Variants in PHACTR3 observed in about 807,000 individuals in gnomAD.
PHACTR3 encodes protein phosphatase 1, regulatory subunit 123.
A neutral mutation model predicts 66.8 loss-of-function variants in PHACTR3; 16 were observed. That is an observed-to-expected ratio of 0.24 (90% CI 0.16 to 0.36). The LOEUF is 0.36. Among genes scored for constraint, PHACTR3 ranks in the 10% least tolerant of loss-of-function variants. PHACTR3 has a pLI of 1.00. For synonymous variants in PHACTR3, 323 were observed against 292.1 expected (o/e 1.11, Z -1.08); for missense variants, 647 against 719.9 (o/e 0.90, Z 1.16).
At chr20:59,577,659 C>CG (rs1474420188) in intron 1 of PHACTR3, 1 of 1,171,056 alleles carries the variant, frequency 8.5e-7, no homozygotes, top group Non-Finnish European at 1.1e-6. Flanking sequence ...ACGTGGGGCC[C>CG]GGGGTGCCCG....
intron 1 of PHACTR3, among the ~76,000 whole-genome samples, chr20:59,703,287 C>A (rs1458227042): frequency 1.3e-5 from 2 of 152,150 alleles, no homozygotes; most frequent in Non-Finnish European, 2.9e-5. Flanking sequence ...TCACTTGTTC[C>A]TGAGTCATGC....
At chr20:59,644,483 T>TC (rs1247227602) in intron 1 of PHACTR3, among the ~76,000 whole-genome samples, 2 of 152,164 alleles carry the variant, frequency 1.3e-5, no homozygotes, top group African/African-American at 4.8e-5. Flanking sequence ...AATTGTAGAC[T>TC]CCAACAGGGG....
chr20:59,780,848 G>A lies in PHACTR3; in HGVS notation c.1174+6358G>A, dbSNP rs565991222. On this transcript the variant is annotated intron_variant, in intron 7 of 12. Coordinates refer to ENST00000371015, the MANE Select transcript of PHACTR3 (RefSeq NM_080672.5). ...TCAGTTCTATCCCTTGTAAATGGGG[G>A]TGACAAGAAAGTTCTTATGAAGGTC... Among the ~76,000 whole-genome samples the A allele has an allele frequency of 3.9e-5, 6 of 152,308 alleles. No homozygotes were observed. The South Asian group carries it at 1.2e-3, about 32-fold the overall frequency.
chr20:59,722,832 G>A lies in PHACTR3; in HGVS notation c.119-20275G>A, dbSNP rs1261115689. Among the ~76,000 whole-genome samples the A allele has an allele frequency of 1.3e-5, 2 of 151,990 alleles. 1 individual carries two copies. The highest frequency in any genetic ancestry group is 2.9e-5 in the Non-Finnish European group (2 of 67,982). On this transcript the variant is annotated intron_variant, in intron 1 of 12. Transcript: ENST00000371015. Reference sequence around the variant, plus strand: ...GGAGGAGCCTCTGCTCACGGTGGGGGCATGGGGGTGGTGGTGAGCACCGCA... The same window carrying A: ...GGAGGAGCCTCTGCTCACGGTGGGGACATGGGGGTGGTGGTGAGCACCGCA...
chr20:59,696,050 G>A (rs1018754840), intron 1 of PHACTR3, among the ~76,000 whole-genome samples: 1 of 152,152 alleles, frequency 6.6e-6, no homozygotes, highest in African/African-American at 2.4e-5. Flanking sequence ...TTTTGACCTG[G>A]GGAGAGTTAA....
At chr20:59,694,086 C>T (rs909638457) in intron 1 of PHACTR3, among the ~76,000 whole-genome samples, 3 of 152,176 alleles carry the variant, frequency 2.0e-5, no homozygotes, top group African/African-American at 7.2e-5. Context: ...GGGTGACTGG[C>T]CCTGTATTTT....
chr20:59,828,967 T>G (rs1410449153), intron 8 of PHACTR3, among the ~76,000 whole-genome samples: 1 of 151,644 alleles, frequency 6.6e-6, no homozygotes, highest in Admixed American at 6.6e-5. Flanking sequence ...GACGGATGGA[T>G]GGATGCAAGC....
chr20:59,605,227 A>C (rs1208380622), intron 1 of PHACTR3, 95 bp downstream of exon 1: 13 of 892,116 alleles, frequency 1.5e-5, no homozygotes, highest in Non-Finnish European at 1.8e-5. Context: ...CCCCGCCTGC[A>C]TTCGGGGAGC....
At chr20:59,727,999 GT>G (rs1422638954) in intron 1 of PHACTR3, among the ~76,000 whole-genome samples, 1 of 152,206 alleles carries the variant, frequency 6.6e-6, no homozygotes, top group East Asian at 1.9e-4. Flanking sequence ...AGGGGATTTT[GT>G]TTATTTTGTT....
intron 4 of PHACTR3, among the ~76,000 whole-genome samples, chr20:59,762,926 A>T (rs2040043817): frequency 6.6e-6 from 1 of 152,170 alleles, no homozygotes; most frequent in Non-Finnish European, 1.5e-5. Flanking sequence ...GGTGGAGAGG[A>T]CAAGAGAAGG....
At chr20:59,755,755 A>G (rs1313922211) in intron 4 of PHACTR3, among the ~76,000 whole-genome samples, 1 of 152,074 alleles carries the variant, frequency 6.6e-6, no homozygotes, top group Non-Finnish European at 1.5e-5. Flanking sequence ...GGGTTGAGGG[A>G]CTTTTCTGTG....
chr20:59,642,342 A>C (rs1047697124), intron 1 of PHACTR3, among the ~76,000 whole-genome samples: 3 of 151,722 alleles, frequency 2.0e-5, no homozygotes, highest in South Asian at 2.1e-4. Flanking sequence ...TAGAACAAAA[A>C]TTATATTTAT....
At chr20:59,599,164 G>A (rs2033404969) in intron 1 of PHACTR3, among the ~76,000 whole-genome samples, 2 of 152,358 alleles carry the variant, frequency 1.3e-5, no homozygotes, top group Middle Eastern at 3.4e-3. Context: ...TGGGGAGGCT[G>A]AGCCTTCACT....
chr20:59,615,478 A>T (rs1325964773), intron 1 of PHACTR3, among the ~76,000 whole-genome samples: 1 of 152,200 alleles, frequency 6.6e-6, no homozygotes, highest in Non-Finnish European at 1.5e-5. Flanking sequence ...ATGACAGGGC[A>T]CATATGTAAT....
chr20:59,589,798 G>T (rs1022109819), intron 1 of PHACTR3, among the ~76,000 whole-genome samples: 1 of 152,220 alleles, frequency 6.6e-6, no homozygotes, highest in Non-Finnish European at 1.5e-5. Context: ...TGAAAGAAAA[G>T]AAGTAAACAC....
chr20:59,661,306 C>T (rs988870290), intron 1 of PHACTR3, among the ~76,000 whole-genome samples: 1 of 152,088 alleles, frequency 6.6e-6, no homozygotes, highest in Non-Finnish European at 1.5e-5. Context: ...AGGTCCTGAG[C>T]AGGAGAGAGC....
chr20:59,812,961 C>G (rs941535739), intron 8 of PHACTR3, among the ~76,000 whole-genome samples: 7 of 152,308 alleles, frequency 4.6e-5, no homozygotes, highest in Non-Finnish European at 7.3e-5. Context: ...CCAGGGCCCT[C>G]GCTCCCAGCC....
At chr20:59,662,920 T>TG (rs1286692158) in intron 1 of PHACTR3, among the ~76,000 whole-genome samples, 7 of 152,090 alleles carry the variant, frequency 4.6e-5, no homozygotes, top group Non-Finnish European at 1.0e-4. Flanking sequence ...GACCACAAAC[T>TG]GGGGGGCTTT....
intron 8 of PHACTR3, among the ~76,000 whole-genome samples, chr20:59,807,190 CACTT>C (rs2041595903): frequency 1.3e-5 from 2 of 152,212 alleles, no homozygotes. Flanking sequence ...CTTATAATAA[CACTT>C]AGCACAAAAC....
Sources: gnomAD v4.1 joint callset for allele counts (sites outside exome capture counted in the v4.1 genomes callset) on GRCh38, gnomAD v4.1.1 for gene constraint, MANE v1.5 for transcripts, NCBI Gene and HGNC (gene_info 2026-07-23, HGNC 2026-07-21) for gene names.